Variants in ROBO4 observed in about 807,000 individuals in gnomAD.
ROBO4 encodes the protein roundabout homolog 4.
ROBO4 carries 80 observed loss-of-function variants against 103.3 expected under a neutral mutation model. The ratio of observed to expected loss-of-function variants is 0.77; its 90% CI spans 0.65 to 0.93. The LOEUF (loss-of-function observed/expected upper bound fraction) is 0.93, where lower values mean the gene tolerates loss of function less well. Ranked by LOEUF, ROBO4 falls within the 40% of genes least tolerant of loss-of-function variation. The probability of loss-of-function intolerance (pLI) is 0.00; values close to 1 mark genes in which losing one functional copy is unlikely to be tolerated. For missense variants in ROBO4, 1,333 were observed against 1,305.3 expected, an observed-to-expected ratio of 1.02 and a Z score of -0.33; for synonymous variants, 504 against 529.7, an observed-to-expected ratio of 0.95 and a Z score of 0.67.
intron 7 of ROBO4, among the ~76,000 whole-genome samples, chr11:124,894,707 G>C (rs1946854436): frequency 2.0e-5 from 3 of 152,218 alleles, no homozygotes; most frequent in African/African-American, 7.2e-5. Context: ...AAGGATCTGA[G>C]GGTTTGTATT....
chr11:124,887,869 GC>G, intron 12 of ROBO4, 29 bp from the exon 13 acceptor site: 1 of 1,584,304 alleles, frequency 6.3e-7, no homozygotes, highest in Non-Finnish European at 8.6e-7. Context: ...TGGTTGTGGG[GC>G]CCAGGATGGA....
Position 124,884,649 on chromosome 11 carries a change from A to T in ROBO4, c.*242T>A. On this transcript the variant is annotated 3_prime_UTR_variant, in exon 18 of 18. Transcript: ENST00000306534. Reference sequence around the variant, plus strand: ...TGGGAGTGGATGGCACAGAGGAGAAAGCAGTGGCTAGGAGTCAGGTGGAGA... The same window carrying T: ...TGGGAGTGGATGGCACAGAGGAGAATGCAGTGGCTAGGAGTCAGGTGGAGA... 1.7e-6 allele frequency: 1 copy of T among 592,758 alleles called. No individual in the cohort carries two copies. Among genetic ancestry groups the T allele is most frequent in the Non-Finnish European group, 3.0e-6 (1 of 333,014 alleles). The allele number at this position is 592,758 out of a possible 1,614,324, so 36.7% of individuals were successfully genotyped here. A position where few individuals can be genotyped will look rare whatever the true frequency, so the allele number is the denominator to read the frequency against.
Position 124,886,532 on chromosome 11 carries a change from G to T in ROBO4, c.2726C>A (p.Ala909Asp). The T allele has an allele frequency of 2.5e-6, 4 of 1,614,234 alleles. No individual in the cohort carries two copies. Among genetic ancestry groups the T allele is most frequent in the Non-Finnish European group, 3.4e-6 (4 of 1,180,042 alleles). Residue 909 changes from alanine (A) to aspartate (D), a missense_variant, in exon 16 of 18, where the codon GCC becomes GAC. Physicochemically the swap from Ala to Asp is moderately radical, Grantham distance 126. Coordinates refer to ENST00000306534, the MANE Select transcript of ROBO4 (RefSeq NM_019055.6). ...SFLADAHFAR[A>D]LAVAVDSFGF... Reference sequence around the variant, plus strand: ...AAAGCTATCCACAGCCACTGCCAGGGCCCGGGCAAAGTGAGCATCAGCGAG... The same window carrying T: ...AAAGCTATCCACAGCCACTGCCAGGTCCCGGGCAAAGTGAGCATCAGCGAG...
intron 10 of ROBO4, chr11:124,892,617 T>A (rs572967729): frequency 1.3e-5 from 2 of 155,222 alleles, no homozygotes; most frequent in African/African-American, 2.4e-5. Context: ...CTTTCTCCTA[T>A]GTTTTTCCAC....
intron 17 of ROBO4, 32 bp downstream of exon 17, chr11:124,885,009 T>G (rs1946687502): frequency 1.9e-6 from 3 of 1,613,894 alleles, no homozygotes; most frequent in Non-Finnish European, 2.5e-6. Context: ...CTGGTCAAGA[T>G]GAACACATTA....
In ROBO4 at chr11:124,886,675, C is replaced by T. The variant is rs775327588; in HGVS notation, c.2583G>A (p.Arg861=). 1.2e-6 allele frequency: 2 copies of T among 1,613,132 alleles called. No homozygotes were observed. Among genetic ancestry groups the T allele is most frequent in the Non-Finnish European group, 1.7e-6 (2 of 1,179,250 alleles). ...PKGGVLLCPP[R]PCLTPTPSEG... ...CGCTGGGGGTGGGGGTGAGGCAGGG[C>T]CGAGGTGGGCACAGCAAGACTCCCC... Residue 861 remains arginine, a synonymous_variant, in exon 16 of 18, where the codon CGG becomes CGA. Transcript: ENST00000306534.
chr11:124,894,288 G>C lies in ROBO4; in HGVS notation c.1231C>G (p.His411Asp). Reference sequence around the variant, plus strand: ...TGCACGCAGTAGGAGCCTGGCATATGGGTGGCGATTTCCAGCTGGGTCTGC... The same window carrying C: ...TGCACGCAGTAGGAGCCTGGCATATCGGTGGCGATTTCCAGCTGGGTCTGC... ...GEQTQLEIAT[H>D]MPGSYCVQVA... The change falls in exon 8 of 18, where the codon CAT becomes GAT. Residue 411 changes from histidine to aspartate, a missense_variant. Coordinates refer to ENST00000306534, the MANE Select transcript of ROBO4 (RefSeq NM_019055.6). 1 of 1,614,096 alleles carries C rather than the reference G, an allele frequency of 6.2e-7. No individual in the cohort carries two copies. Among genetic ancestry groups the C allele is most frequent in the Non-Finnish European group, 8.5e-7 (1 of 1,180,006 alleles).
At chr11:124,896,381 G>T (rs1469931199) in intron 3 of ROBO4, 63 bp from the exon 4 acceptor site, 1 of 1,603,798 alleles carries the variant, frequency 6.2e-7, no homozygotes, top group African/African-American at 1.3e-5. Context: ...CTGGGGGGAA[G>T]TTTGAGGCCC....
At position 124,896,186 on chromosome 11, in the gene ROBO4, C is replaced by T. The variant is rs202165756; in HGVS notation, c.679+12G>A. The T allele has an allele frequency of 2.9e-4, 467 of 1,613,160 alleles. 5 individuals carry two copies. The East Asian group carries it at 9.5e-3, about 33-fold the overall frequency. On this transcript the variant is annotated intron_variant, in intron 4 of 17. Coordinates refer to ENST00000306534, the MANE Select transcript of ROBO4 (RefSeq NM_019055.6). Reference sequence around the variant, plus strand: ...CAGCCTGGCTCTGATTGTAGCCCACCCCTGCCCTTACCCTGGATGGAAACC... The same window carrying T: ...CAGCCTGGCTCTGATTGTAGCCCACTCCTGCCCTTACCCTGGATGGAAACC...
intron 12 of ROBO4, among the ~76,000 whole-genome samples, chr11:124,888,769 C>T (rs1478745515): frequency 6.6e-6 from 1 of 152,232 alleles, no homozygotes; most frequent in Non-Finnish European, 1.5e-5. Context: ...TGTGAGCATG[C>T]TTCTTGGTCA....
chr11:124,891,571 TA>T lies in ROBO4; in HGVS notation c.1685-10del. The T allele has an allele frequency of 6.2e-7, 1 of 1,614,144 alleles. No individual in the cohort carries two copies. Among genetic ancestry groups the T allele is most frequent in the Non-Finnish European group, 8.5e-7 (1 of 1,180,020 alleles). On this transcript the variant is annotated splice_polypyrimidine_tract_variant and intron_variant, in intron 11 of 17. Transcript: ENST00000306534. ...GGAGTCCCAGGAGAGCACTGTGACA[TA>T]AATGACAGGAGGAATTATGGTGAGC...
Position 124,886,548 on chromosome 11 carries a change from C to T in ROBO4, c.2710G>A (p.Ala904Thr). ...SSSDGSFLAD[A>T]HFARALAVAV... ...ACTGCCAGGGCCCGGGCAAAGTGAG[C>T]ATCAGCGAGGAAGGAGCCATCGGAG... The change falls in exon 16 of 18, where the codon GCT becomes ACT. Residue 904 changes from alanine (A) to threonine (T), a missense_variant. Coordinates refer to ENST00000306534, the MANE Select transcript of ROBO4 (RefSeq NM_019055.6). 6.2e-7 allele frequency: 1 copy of T among 1,614,204 alleles called. No individual in the cohort carries two copies. The highest frequency in any genetic ancestry group is 8.5e-7 in the Non-Finnish European group (1 of 1,180,042).
Position 124,891,690 on chromosome 11 carries a change from C to G in ROBO4, c.1660G>C (p.Asp554His). 1 of 1,614,170 alleles carries G rather than the reference C, an allele frequency of 6.2e-7. No individual in the cohort carries two copies. The highest frequency in any genetic ancestry group is 1.1e-5 in the South Asian group (1 of 91,084). The change falls in exon 11 of 18, where the codon GAC (aspartate) becomes CAC (histidine). Residue 554 changes from aspartate (D) to histidine (H), a missense_variant. Coordinates refer to ENST00000306534, the MANE Select transcript of ROBO4 (RefSeq NM_019055.6). ...CAGGAGCGACGACAGTCTAGTGGGT[C>G]CCGGGCATCCGCCCCCAGCCGACTG... is the stretch of plus-strand genomic sequence containing the variant. Reference protein sequence around the residue: ...LSSRLGADARDPLDCRRSLLS... With the variant: ...LSSRLGADARHPLDCRRSLLS...
chr11:124,887,688 AC>A lies in ROBO4; in HGVS notation c.2056+44del, dbSNP rs1462690908. ...GGCTGGTAAGCCCCTGCATCCCTACACCCTATCTCACCCCTTCACTTCCCTT... is the reference window on the plus strand; with the variant it reads ...GGCTGGTAAGCCCCTGCATCCCTACACCTATCTCACCCCTTCACTTCCCTT... On this transcript the variant is annotated intron_variant, in intron 13 of 17. Coordinates refer to ENST00000306534, the MANE Select transcript of ROBO4 (RefSeq NM_019055.6). The A allele has an allele frequency of 3.2e-6, 5 of 1,585,214 alleles. 1 individual carries two copies. Among genetic ancestry groups the A allele is most frequent in the African/African-American group, 2.7e-5 (2 of 74,116 alleles).
intron 16 of ROBO4, 38 bp from the exon 17 acceptor site, chr11:124,885,285 CTT>C: frequency 6.4e-7 from 1 of 1,569,894 alleles, no homozygotes; most frequent in Admixed American, 1.7e-5. Flanking sequence ...GGAGGTTGAC[CTT>C]CAGCCCCTAG....
intron 4 of ROBO4, 57 bp from the exon 5 acceptor site, chr11:124,895,969 C>T (rs574035604): frequency 8.7e-6 from 14 of 1,603,156 alleles, no homozygotes; most frequent in South Asian, 4.4e-5. Context: ...AGAACTGAGG[C>T]GTGGAACATC....
At position 124,886,805 on chromosome 11, in the gene ROBO4, A is replaced by G; in HGVS notation, c.2453T>C (p.Met818Thr). 2 of 1,536,944 alleles carry G rather than the reference A, an allele frequency of 1.3e-6. No homozygotes were observed. Among genetic ancestry groups the G allele is most frequent in the Non-Finnish European group, 1.8e-6 (2 of 1,140,040 alleles). The change falls in exon 16 of 18, where the codon ATG becomes ACG. Residue 818 changes from methionine to threonine, a missense_variant. Met to Thr is a moderately conservative substitution (Grantham distance 81). Transcript: ENST00000306534. ...GGTGGGGGGTGAAGGAGCCCTTGGC[A>G]TGGGAGAGACGCTGTTCCTAGGGAG... ...EETPRNSVSPMPRAPSPPTTY... is the reference protein window; with the variant it reads ...EETPRNSVSPTPRAPSPPTTY...
intron 16 of ROBO4, chr11:124,886,263 C>T (rs1946709423): frequency 2.0e-6 from 1 of 502,162 alleles, no homozygotes; most frequent in African/African-American, 1.9e-5. Flanking sequence ...ATCTGACTTA[C>T]AGTTTCCTCA....
rs1178635874 is a variant in ROBO4 at position 124,887,836 on chromosome 11, C to T, written c.1953G>A (p.Leu651=). ...GCAGTGGGGAACTGTTGGCATGCTGCAGCTCTGCAAAGAAAGGGTTGGTGG... is the reference window on the plus strand; with the variant it reads ...GCAGTGGGGAACTGTTGGCATGCTGTAGCTCTGCAAAGAAAGGGTTGGTGG... ...EAWKAKKKQE[L]QHANSSPLLR... Residue 651 remains leucine (L), a synonymous_variant, in exon 13 of 18, where the codon CTG becomes CTA. Coordinates refer to ENST00000306534, the MANE Select transcript of ROBO4 (RefSeq NM_019055.6). 1 of 1,612,492 alleles carries T rather than the reference C, an allele frequency of 6.2e-7. No individual in the cohort carries two copies. Among genetic ancestry groups the T allele is most frequent in the Admixed American group, 1.7e-5 (1 of 59,346 alleles).
Sources: gnomAD v4.1 joint callset for allele counts (sites outside exome capture counted in the v4.1 genomes callset) on GRCh38, gnomAD v4.1.1 for gene constraint, MANE v1.5 for transcripts, NCBI Gene and HGNC (gene_info 2026-07-23, HGNC 2026-07-21) for gene names.